THEMIS: variants seen among roughly 807,000 people sequenced by gnomAD.
THEMIS encodes the protein protein THEMIS.
THEMIS carries 37 observed loss-of-function variants against 52.6 expected under a neutral mutation model. That is an observed-to-expected ratio of 0.70 (90% confidence interval 0.54 to 0.93). The LOEUF (loss-of-function observed/expected upper bound fraction) is 0.93. Ranked by LOEUF, THEMIS falls within the 40% of genes least tolerant of loss-of-function variation. The pLI, the probability that THEMIS is intolerant of heterozygous loss-of-function variation, is 0.00. For synonymous variants in THEMIS, 292 were observed against 272.7 expected (o/e 1.07, Z -0.70); for missense variants, 808 against 763.1 (o/e 1.06, Z -0.69).
chr6:127,774,036 T>C (rs1377207847), intron 4 of THEMIS, among the ~76,000 whole-genome samples: 1 of 152,186 alleles, frequency 6.6e-6, no homozygotes, highest in Non-Finnish European at 1.5e-5. Context: ...ACTACACGCC[T>C]GGCACTTTGG....
At chr6:127,833,248 T>C (rs1778762007) in intron 2 of THEMIS, among the ~76,000 whole-genome samples, 1 of 152,190 alleles carries the variant, frequency 6.6e-6, no homozygotes, top group African/African-American at 2.4e-5. Flanking sequence ...TTTCCTTGAA[T>C]CTTAGGTTTT....
chr6:127,799,298 G>A (rs1264319589), intron 4 of THEMIS, among the ~76,000 whole-genome samples: 2 of 151,954 alleles, frequency 1.3e-5, no homozygotes, highest in Non-Finnish European at 2.9e-5. Flanking sequence ...GTTAAGAGAT[G>A]GTCTCAATAA....
Position 127,871,123 on chromosome 6 carries a change from C to A in THEMIS, c.92-15935G>T, listed in dbSNP as rs1780143745. 3.3e-5 allele frequency among the ~76,000 whole-genome samples: 5 copies of A among 152,006 alleles called. No homozygotes were observed. In the South Asian group the frequency reaches 1.0e-3, roughly 32 times the overall value. ...CTCAACAAATTTAAAATAATTGAAT[C>A]ATAATATTCTATGACCACAATGAAT... On this transcript the variant is annotated intron_variant, in intron 1 of 5. Coordinates refer to ENST00000368248, the MANE Select transcript of THEMIS (RefSeq NM_001010923.3).
chr6:127,709,774 G>C lies in THEMIS; in HGVS notation c.*211C>G. ...CAACAACACAATGCCTACAGATTTA[G>C]ACACAACAGAATAGACTATATGAAT... On this transcript the variant is annotated 3_prime_UTR_variant, in exon 6 of 6. Coordinates refer to ENST00000368248, the MANE Select transcript of THEMIS (RefSeq NM_001010923.3). 4.4e-6 allele frequency: 2 copies of C among 457,570 alleles called. No individual in the cohort carries two copies. Among genetic ancestry groups the C allele is most frequent in the Non-Finnish European group, 7.7e-6 (2 of 260,790 alleles). 28.3% of individuals were successfully genotyped at this position (457,570 alleles called of 1,614,324 possible).
intron 4 of THEMIS, among the ~76,000 whole-genome samples, chr6:127,758,976 T>C (rs1775927887): frequency 1.3e-5 from 2 of 152,248 alleles, no homozygotes; most frequent in Middle Eastern, 3.4e-3. Flanking sequence ...AACTCAATGC[T>C]AGACATGTCA....
intron 4 of THEMIS, among the ~76,000 whole-genome samples, chr6:127,722,863 T>C (rs1774410300): frequency 6.6e-6 from 1 of 152,034 alleles, no homozygotes; most frequent in South Asian, 2.1e-4. Context: ...AGCCTCAGCA[T>C]CGCTATGATC....
chr6:127,773,060 A>T (rs1242228046), intron 4 of THEMIS, among the ~76,000 whole-genome samples: 1 of 152,212 alleles, frequency 6.6e-6, no homozygotes, highest in Non-Finnish European at 1.5e-5. Context: ...TAAAGCATCT[A>T]AGTAACTTTT....
chr6:127,743,168 A>G (rs759035286), intron 4 of THEMIS, among the ~76,000 whole-genome samples: 16 of 152,128 alleles, frequency 1.1e-4, no homozygotes, highest in Non-Finnish European at 1.6e-4. Context: ...AAAGGCAAAA[A>G]CATCACTAGG....
At chr6:127,736,606 A>G (rs989991456) in intron 4 of THEMIS, among the ~76,000 whole-genome samples, 2 of 152,184 alleles carry the variant, frequency 1.3e-5, no homozygotes, top group African/African-American at 4.8e-5. Flanking sequence ...GGAACCATAA[A>G]TCTATCAAGT....
chr6:127,790,607 T>C (rs71565672), intron 4 of THEMIS, among the ~76,000 whole-genome samples: 2 of 152,254 alleles, frequency 1.3e-5, no homozygotes, highest in African/African-American at 2.4e-5. Flanking sequence ...GTCGCTTTTC[T>C]GTCCAGAAAC....
intron 1 of THEMIS, among the ~76,000 whole-genome samples, chr6:127,882,999 C>T (rs1009036004): frequency 1.3e-5 from 2 of 151,898 alleles, no homozygotes; most frequent in South Asian, 2.1e-4. Flanking sequence ...CACTAAGCAT[C>T]ATTATTCAAC....
chr6:127,807,391 C>T (rs1428618915), intron 4 of THEMIS: 1 of 213,808 alleles, frequency 4.7e-6, no homozygotes, highest in Non-Finnish European at 9.5e-6. Context: ...ATCTCACAGT[C>T]AAAAAAGCTA....
At chr6:127,786,030 T>A (rs1776936830) in intron 4 of THEMIS, among the ~76,000 whole-genome samples, 1 of 152,130 alleles carries the variant, frequency 6.6e-6, no homozygotes, top group Non-Finnish European at 1.5e-5. Context: ...TATTTATTAT[T>A]AAAAGTTTGA....
intron 2 of THEMIS, among the ~76,000 whole-genome samples, chr6:127,854,589 C>A (rs1046866252): frequency 6.6e-6 from 1 of 151,706 alleles, no homozygotes; most frequent in African/African-American, 2.4e-5. Flanking sequence ...AAGACCAGGC[C>A]GACTTTTCAG....
At chr6:127,825,852 A>G (rs1265027434) in intron 3 of THEMIS, among the ~76,000 whole-genome samples, 1 of 151,692 alleles carries the variant, frequency 6.6e-6, no homozygotes, top group Admixed American at 6.6e-5. Flanking sequence ...TCTAAGACTT[A>G]GGATAAAATT....
chr6:127,720,055 A>G (rs572821833), intron 4 of THEMIS, among the ~76,000 whole-genome samples: 1 of 152,100 alleles, frequency 6.6e-6, no homozygotes, highest in South Asian at 2.1e-4. Context: ...ATAGAAAACC[A>G]TCTGCAAAGA....
At chr6:127,848,238 T>A (rs551726741) in intron 2 of THEMIS, among the ~76,000 whole-genome samples, 1 of 151,960 alleles carries the variant, frequency 6.6e-6, no homozygotes, top group South Asian at 2.1e-4. Flanking sequence ...TCCATGTCCC[T>A]ACAAAGGACA....
At chr6:127,855,339 G>A in intron 1 of THEMIS, 151 bp from the exon 2 acceptor site, 1 of 516,224 alleles carries the variant, frequency 1.9e-6, no homozygotes, top group Non-Finnish European at 3.2e-6. Flanking sequence ...AAAATGTACA[G>A]CATAGACCAG....
intron 4 of THEMIS, among the ~76,000 whole-genome samples, chr6:127,806,446 C>T (rs1038652326): frequency 6.6e-6 from 1 of 152,050 alleles, no homozygotes; most frequent in Non-Finnish European, 1.5e-5. Flanking sequence ...TCATTGCCCC[C>T]AGGTGAGAAC....
Sources: gnomAD v4.1 joint callset for allele counts (sites outside exome capture counted in the v4.1 genomes callset) on GRCh38, gnomAD v4.1.1 for gene constraint, MANE v1.5 for transcripts, NCBI Gene and HGNC (gene_info 2026-07-23, HGNC 2026-07-21) for gene names.